NAV1: variants seen among roughly 807,000 people sequenced by gnomAD.
NAV1 encodes the protein pore membrane and/or filament interacting like protein 3.
In NAV1, 18 loss-of-function variants were observed where a neutral mutation model predicts 175.2. That is an observed-to-expected ratio of 0.10 (90% CI 0.07 to 0.15). NAV1 has a LOEUF of 0.15. Ranked by LOEUF, NAV1 falls within the 10% of genes least tolerant of loss-of-function variation. The probability of loss-of-function intolerance (pLI) is 1.00; values close to 1 mark genes in which losing one functional copy is unlikely to be tolerated. For synonymous variants in NAV1, 897 were observed against 978.7 expected (o/e 0.92, Z 1.56); for missense variants, 1,731 against 2,436.6 (o/e 0.71, Z 6.10).
At chr1:201,556,944 G>A (rs1237521969) in intron 1 of NAV1, among the ~76,000 whole-genome samples, 4 of 152,180 alleles carry the variant, frequency 2.6e-5, no homozygotes, top group Non-Finnish European at 5.9e-5. Context: ...CAGACCAGTA[G>A]ACTCGTCTCT....
At chr1:201,712,845 G>A (rs1214381346) in exon 2 of NAV1, 2 of 1,613,764 alleles carry the variant, frequency 1.2e-6, no homozygotes, top group African/African-American at 2.7e-5. Context: ...AGAGGACAGT[G>A]CAGAATGTCC....
chr1:201,653,886 G>T (rs1444890195), intron 1 of NAV1, among the ~76,000 whole-genome samples: 3 of 152,204 alleles, frequency 2.0e-5, no homozygotes, highest in East Asian at 3.9e-4. Context: ...AAACCTTGGA[G>T]CTGTGAGGCC....
intron 2 of NAV1, among the ~76,000 whole-genome samples, chr1:201,609,294 T>C (rs890119107): frequency 1.3e-5 from 2 of 152,208 alleles, no homozygotes; most frequent in Non-Finnish European, 2.9e-5. Flanking sequence ...GGTCTGCACC[T>C]CACAACATAG....
At chr1:201,820,997 T>C (rs540122670) in exon 30 of NAV1, 8 of 152,224 alleles carry the variant, frequency 5.3e-5, no homozygotes, top group African/African-American at 1.7e-4. Flanking sequence ...ATATGAGACA[T>C]GAAGCATTGG....
At chr1:201,649,194 C>A (rs1303959222) in exon 1 of NAV1, 3 of 1,612,582 alleles carry the variant, frequency 1.9e-6, no homozygotes, top group Non-Finnish European at 2.5e-6. Flanking sequence ...CCGGATCCCT[C>A]GAGGACCCTA....
At chr1:201,558,739 C>G (rs763987726) in intron 1 of NAV1, among the ~76,000 whole-genome samples, 1 of 151,856 alleles carries the variant, frequency 6.6e-6, no homozygotes, top group Non-Finnish European at 1.5e-5. Context: ...CGTGAGCCAC[C>G]GCGCCCGGCA....
chr1:201,654,787 A>G (rs1472089732), intron 1 of NAV1, among the ~76,000 whole-genome samples: 1 of 152,180 alleles, frequency 6.6e-6, no homozygotes, highest in African/African-American at 2.4e-5. Flanking sequence ...TAATCCCACT[A>G]TAGCATCATA....
At chr1:201,667,631 A>G (rs1002003638) in intron 1 of NAV1, among the ~76,000 whole-genome samples, 7 of 152,180 alleles carry the variant, frequency 4.6e-5, no homozygotes, top group Admixed American at 4.6e-4. Flanking sequence ...TCACAGTAGC[A>G]CCTCAGCAAA....
chr1:201,630,517 T>C (rs920076349), intron 2 of NAV1, among the ~76,000 whole-genome samples: 1 of 152,198 alleles, frequency 6.6e-6, no homozygotes, highest in Non-Finnish European at 1.5e-5. Flanking sequence ...TGGCCAGATA[T>C]CCCTTCTTGG....
intron 28 of NAV1, among the ~76,000 whole-genome samples, chr1:201,814,902 G>T (rs1466150111): frequency 6.6e-6 from 1 of 151,774 alleles, no homozygotes; most frequent in African/African-American, 2.4e-5. Flanking sequence ...AGCTAGATGT[G>T]GTGGTGGGCA....
chr1:201,674,953 T>C (rs894832406), intron 1 of NAV1, among the ~76,000 whole-genome samples: 1 of 151,590 alleles, frequency 6.6e-6, no homozygotes, highest in Non-Finnish European at 1.5e-5. Flanking sequence ...GGCAGGAGAA[T>C]TGCCCGAACC....
intron 1 of NAV1, among the ~76,000 whole-genome samples, chr1:201,651,122 C>CGTGTGTGTGTGTGT (rs60462710): frequency 0.06 from 7,800 of 128,998 alleles, 472 homozygotes; most frequent in Non-Finnish European, 0.084. Flanking sequence ...AGGAAGGGAC[C>CGTGTGTGTGTGTGT]GTGTGTGTGT....
chr1:201,733,492 C>G (rs887434372), intron 3 of NAV1: 3 of 151,854 alleles, frequency 2.0e-5, no homozygotes, highest in African/African-American at 4.8e-5. Context: ...ATCTGTGAAG[C>G]CTTCTATATT....
At chr1:201,586,879 C>T (rs1402932737) in intron 1 of NAV1, among the ~76,000 whole-genome samples, 1 of 152,146 alleles carries the variant, frequency 6.6e-6, no homozygotes, top group Non-Finnish European at 1.5e-5. Context: ...CATTTCAGTT[C>T]ATAGCACCTC....
At position 201,803,587 on chromosome 1, in the gene NAV1, C is replaced by T; in HGVS notation, c.3518-6C>T. 6.2e-7 allele frequency: 1 copy of T among 1,612,892 alleles called. No homozygotes were observed. The highest frequency in any genetic ancestry group is 8.5e-7 in the Non-Finnish European group (1 of 1,179,334). On this transcript the variant is annotated splice_polypyrimidine_tract_variant and splice_region_variant and intron_variant, in intron 15 of 29. Transcript: ENST00000367296. ...CTATGTTTTTCCCACTTGTACTTGGCCCTAGAACTTCGGATCAAGAGACAA... is the reference window on the plus strand; with the variant it reads ...CTATGTTTTTCCCACTTGTACTTGGTCCTAGAACTTCGGATCAAGAGACAA...
At chr1:201,560,920 A>T (rs1666177459) in intron 1 of NAV1, among the ~76,000 whole-genome samples, 1 of 152,202 alleles carries the variant, frequency 6.6e-6, no homozygotes, top group Non-Finnish European at 1.5e-5. Context: ...GGGCTCAGGG[A>T]ACATAGTCAG....
chr1:201,824,897 G>A (rs539269444), exon 30 of NAV1: 3 of 152,250 alleles, frequency 2.0e-5, no homozygotes, highest in African/African-American at 4.8e-5. Flanking sequence ...GGCAATCCAC[G>A]TTTTAATAAG....
intron 29 of NAV1, among the ~76,000 whole-genome samples, chr1:201,817,868 A>G (rs1679153434): frequency 6.6e-6 from 1 of 152,170 alleles, no homozygotes; most frequent in Non-Finnish European, 1.5e-5. Flanking sequence ...GAATATCTGC[A>G]ATGCCTGTAG....
intron 3 of NAV1, among the ~76,000 whole-genome samples, chr1:201,752,647 A>G (rs1349111399): frequency 6.6e-6 from 1 of 152,062 alleles, no homozygotes; most frequent in African/African-American, 2.4e-5. Context: ...AAATGTAAAG[A>G]AAGACTTAGG....
Sources: gnomAD v4.1 joint callset for allele counts (sites outside exome capture counted in the v4.1 genomes callset) on GRCh38, gnomAD v4.1.1 for gene constraint, MANE v1.5 for transcripts, NCBI Gene and HGNC (gene_info 2026-07-23, HGNC 2026-07-21) for gene names.